The following SYNJ2 variants were observed in gnomAD, a reference collection of about 807,000 sequenced individuals.
The protein encoded by SYNJ2 is synaptojanin 2.
In SYNJ2, 116 loss-of-function variants were observed where a neutral mutation model predicts 141.3. That is an observed-to-expected ratio of 0.82 (90% CI 0.71 to 0.96). The LOEUF (loss-of-function observed/expected upper bound fraction) is 0.96, where lower values mean the gene tolerates loss of function less well. Ranked by LOEUF, SYNJ2 falls within the 40% of genes least tolerant of loss-of-function variation. The pLI is 0.00. For synonymous variants in SYNJ2, 745 were observed against 777.7 expected, an observed-to-expected ratio of 0.96 and a Z score of 0.70; for missense variants, 1,873 against 1,934.8, an observed-to-expected ratio of 0.97 and a Z score of 0.60.
At chr6:157,986,305 A>G (rs1420934581) in intron 1 of SYNJ2, among the ~76,000 whole-genome samples, 1 of 152,158 alleles carries the variant, frequency 6.6e-6, no homozygotes, top group African/African-American at 2.4e-5. Context: ...AGTGTTTACA[A>G]AATGCAAACT....
At chr6:157,983,256 T>C (rs1305605660) in intron 1 of SYNJ2, among the ~76,000 whole-genome samples, 6 of 152,254 alleles carry the variant, frequency 3.9e-5, no homozygotes. Context: ...TCCAGCTTGT[T>C]CTCAGTCACT....
intron 1 of SYNJ2, among the ~76,000 whole-genome samples, chr6:158,004,634 C>T (rs1777984048): frequency 1.3e-5 from 2 of 152,178 alleles, no homozygotes; most frequent in Admixed American, 1.3e-4. Context: ...TGCTGCCCTG[C>T]CTATAGAGTA....
In SYNJ2 at chr6:158,097,102, A is replaced by G. The variant is rs576148285; in HGVS notation, c.*738A>G. 34 of 152,624 alleles carry G rather than the reference A, an allele frequency of 2.2e-4. No individual in the cohort carries two copies. Among genetic ancestry groups the G allele is most frequent in the African/African-American group, 8.2e-4 (34 of 41,570 alleles). The allele number at this position is 152,624 out of a possible 1,614,324, so 9.5% of individuals were successfully genotyped here. A position where few individuals can be genotyped will look rare whatever the true frequency, so the allele number is the denominator to read the frequency against. The stretch of plus-strand genomic sequence containing the variant: ...CTATAATCCTGAGCCATGGTGTGCT[A>G]CTGAAACCAATTTTTATCCACCATC... On this transcript the variant is annotated 3_prime_UTR_variant, in exon 27 of 27. Coordinates refer to ENST00000355585, the MANE Select transcript of SYNJ2 (RefSeq NM_003898.4).
Position 158,018,332 on chromosome 6 carries a change from G to C in SYNJ2, c.214+1042G>C, listed in dbSNP as rs1366940828. ...CCTTGCCATCTGTGACCTGGCTGTG[G>C]ACATCTCTTGTGACTTCTGGGGCCG... On this transcript the variant is annotated intron_variant, in intron 2 of 26. Coordinates refer to ENST00000355585, the MANE Select transcript of SYNJ2 (RefSeq NM_003898.4). Among the ~76,000 whole-genome samples the C allele has an allele frequency of 2.0e-5, 3 of 152,140 alleles. No homozygotes were observed. In the East Asian group the frequency reaches 5.8e-4, roughly 29 times the overall value.
chr6:158,093,001 G>A lies in SYNJ2; in HGVS notation c.3641G>A (p.Gly1214Glu). Reference protein sequence around the residue: ...EASSEPEPTPGAAKPETPQAP... With the variant: ...EASSEPEPTPEAAKPETPQAP... ...TCCTCTGAACCAGAGCCCACACCGG[G>A]GGCAGCCAAACCAGAGACCCCACAG... The change falls in exon 26 of 27, where the codon GGG (glycine) becomes GAG (glutamate). Residue 1214 changes from glycine (G) to glutamate (E), a missense_variant. Gly to Glu is a moderately conservative substitution (Grantham distance 98). Transcript: ENST00000355585. The A allele has an allele frequency of 1.9e-6, 3 of 1,613,022 alleles. No homozygotes were observed. The highest frequency in any genetic ancestry group is 2.2e-5 in the East Asian group (1 of 44,840).
chr6:158,069,924 T>G (rs748860497), intron 14 of SYNJ2, among the ~76,000 whole-genome samples: 1 of 152,238 alleles, frequency 6.6e-6, no homozygotes, highest in Non-Finnish European at 1.5e-5. Flanking sequence ...GTTACATGAT[T>G]GTCATCGCCC....
At chr6:158,092,286 G>T (rs981667403) in intron 25 of SYNJ2, among the ~76,000 whole-genome samples, 1 of 152,104 alleles carries the variant, frequency 6.6e-6, no homozygotes, top group Non-Finnish European at 1.5e-5. Context: ...GGGTCTCACT[G>T]GTCCCCATCC....
chr6:158,034,433 C>T lies in SYNJ2; in HGVS notation c.711+753C>T, dbSNP rs112410072. Among the ~76,000 whole-genome samples, 549 of 152,354 alleles carry T rather than the reference C, an allele frequency of 3.6e-3. 3 individuals are homozygous for T. The highest frequency in any genetic ancestry group is 0.012 in the African/African-American group (508 of 41,586). On this transcript the variant is annotated intron_variant, in intron 4 of 26. Coordinates refer to ENST00000355585, the MANE Select transcript of SYNJ2 (RefSeq NM_003898.4). ...GAAGGCGTGGCTGTGCGTCCCCCCT[C>T]GCTGCCGCTGCTGGGAGAGGAATGC... is the stretch of plus-strand genomic sequence containing the variant.
Position 157,982,088 on chromosome 6 carries a change from G to C in SYNJ2, c.127G>C (p.Ala43Pro), listed in dbSNP as rs1168454087. 3 of 1,332,930 alleles carry C rather than the reference G, an allele frequency of 2.3e-6. No homozygotes were observed. The highest frequency in any genetic ancestry group is 2.9e-6 in the Non-Finnish European group (3 of 1,043,972). The allele number at this position is 1,332,930 out of a possible 1,614,324, so 82.6% of individuals were successfully genotyped here. A position where few individuals can be genotyped will look rare whatever the true frequency, so the allele number is the denominator to read the frequency against. ...CGAGGCCGGCACGGTGGCCACGCTG[G>C]GTGAGTCCGGGCCGGGGGCAGCGAC... ...LFEAGTVATL[A>P]PEEKEVIKGQ... The change falls in exon 1 of 27, where the codon GCT becomes CCT. Residue 43 changes from alanine (A) to proline (P), a missense_variant and splice_region_variant. Transcript: ENST00000355585. The surrounding 1 kb of genome is among the most constrained non-coding windows in gnomAD (Gnocchi z 4.0).
chr6:158,012,682 C>T (rs576556780), intron 1 of SYNJ2, among the ~76,000 whole-genome samples: 4 of 152,230 alleles, frequency 2.6e-5, no homozygotes, highest in South Asian at 4.1e-4. Flanking sequence ...TCATTTGTTG[C>T]GGTAGTAAAG....
chr6:158,093,450 C>A (rs73021939), intron 26 of SYNJ2, among the ~76,000 whole-genome samples: 2,431 of 87,758 alleles, frequency 0.028, 67 homozygotes, highest in African/African-American at 0.097. Context: ...AAAAAAAAAA[C>A]AAAAAAAAAA....
At chr6:158,069,873 G>A (rs1781807603) in intron 14 of SYNJ2, among the ~76,000 whole-genome samples, 200 bp downstream of exon 14, 1 of 152,150 alleles carries the variant, frequency 6.6e-6, no homozygotes, top group African/African-American at 2.4e-5. Context: ...AAGCCACCAT[G>A]GGAAATGTCT....
intron 1 of SYNJ2, among the ~76,000 whole-genome samples, chr6:158,009,656 G>A (rs1778193505): frequency 3.3e-5 from 5 of 152,232 alleles, no homozygotes; most frequent in Admixed American, 3.3e-4. Flanking sequence ...TGGGAGACAG[G>A]AAGTCTGTGT....
At chr6:158,052,667 A>G (rs143832571) in intron 5 of SYNJ2, among the ~76,000 whole-genome samples, 10 of 152,318 alleles carry the variant, frequency 6.6e-5, no homozygotes, top group African/African-American at 2.4e-4. Flanking sequence ...GTTGTCACCA[A>G]GCTATTAATG....
intron 2 of SYNJ2, among the ~76,000 whole-genome samples, chr6:158,025,206 A>G (rs73579649): frequency 0.036 from 5,536 of 152,274 alleles, 360 homozygotes; most frequent in African/African-American, 0.13. Flanking sequence ...GGAGAGGTGC[A>G]GGAGATCTCT....
chr6:158,015,387 C>G (rs1220940661), intron 1 of SYNJ2, among the ~76,000 whole-genome samples: 1 of 152,196 alleles, frequency 6.6e-6, no homozygotes, highest in Non-Finnish European at 1.5e-5. Flanking sequence ...TGGTTCCATC[C>G]AGCCCAAGGG....
At chr6:158,033,742 G>A (rs907666202) in intron 4 of SYNJ2, 62 bp downstream of exon 4, 35 of 1,522,348 alleles carry the variant, frequency 2.3e-5, no homozygotes, top group Middle Eastern at 1.7e-4. Context: ...TCTTGCACAC[G>A]CGCTTTCCAC....
Position 158,096,271 on chromosome 6 carries a change from T to C in SYNJ2, c.4398T>C (p.Asp1466=). The part of the protein sequence containing the change: ...ASAAKAELPP[D]HEHKTLGHWV... The stretch of plus-strand genomic sequence containing the variant: ...CTGCCAAGGCAGAGCTGCCACCAGA[T>C]CATGAACACAAAACCTTAGGTCACT... The change falls in exon 27 of 27, where the codon GAT becomes GAC. Residue 1466 remains aspartate, a synonymous_variant. Coordinates refer to ENST00000355585, the MANE Select transcript of SYNJ2 (RefSeq NM_003898.4). The C allele has an allele frequency of 6.2e-7, 1 of 1,614,124 alleles. No individual in the cohort carries two copies. The highest frequency in any genetic ancestry group is 8.5e-7 in the Non-Finnish European group (1 of 1,180,030).
At chr6:157,990,228 T>C (rs1777370162) in intron 1 of SYNJ2, among the ~76,000 whole-genome samples, 1 of 152,200 alleles carries the variant, frequency 6.6e-6, no homozygotes, top group Admixed American at 6.5e-5. Context: ...GGCTCCAGTG[T>C]GAAGGTCTGA....
Sources: allele counts gnomAD v4.1 joint callset (sites outside exome capture counted in the v4.1 genomes callset), GRCh38; gene constraint gnomAD v4.1.1; non-coding constraint Gnocchi (gnomAD v3.1); transcripts MANE v1.5; gene names NCBI Gene and HGNC (gene_info 2026-07-23, HGNC 2026-07-21).